Variants in NFXL1 observed in about 807,000 individuals in gnomAD.
The protein encoded by NFXL1 is nuclear transcription factor, X-box binding like 1.
In NFXL1, 66 loss-of-function variants were observed where a neutral mutation model predicts 123.3. The observed-to-expected ratio is 0.54, with a 90% CI of 0.44 to 0.66. The LOEUF (loss-of-function observed/expected upper bound fraction) is 0.66, where lower values mean the gene tolerates loss of function less well. Among genes scored for constraint, NFXL1 ranks in the 30% least tolerant of loss-of-function variants. The pLI, the probability that NFXL1 is intolerant of heterozygous loss-of-function variation, is 0.00. For missense variants in NFXL1, 944 were observed against 1,125.6 expected (o/e 0.84, Z 2.31); for synonymous variants, 346 against 360.8 (o/e 0.96, Z 0.46).
intron 20 of NFXL1, among the ~76,000 whole-genome samples, chr4:47,852,507 T>C (rs1038409654): frequency 6.6e-6 from 1 of 152,128 alleles, no homozygotes; most frequent in Non-Finnish European, 1.5e-5. Flanking sequence ...ATAGTGCAGC[T>C]CTAGAGAGTT....
At chr4:47,910,691 A>T in intron 3 of NFXL1, 133 bp downstream of exon 3, 1 of 464,870 alleles carries the variant, frequency 2.2e-6, no homozygotes, top group South Asian at 7.1e-5. Context: ...AGTGTACAAA[A>T]ATTCAACTCT....
intron 11 of NFXL1, among the ~76,000 whole-genome samples, chr4:47,891,663 A>G (rs886244786): frequency 2.6e-5 from 4 of 152,228 alleles, no homozygotes; most frequent in African/African-American, 4.8e-5. Flanking sequence ...GGAAATACAG[A>G]CTACAATTGT....
intron 18 of NFXL1, among the ~76,000 whole-genome samples, chr4:47,863,176 T>A (rs1012662710): frequency 1.3e-5 from 2 of 152,066 alleles, no homozygotes; most frequent in African/African-American, 4.8e-5. Flanking sequence ...ACACAAAATA[T>A]CATCTGGGCC....
chr4:47,907,518 T>C (rs1488569902), intron 3 of NFXL1, among the ~76,000 whole-genome samples: 1 of 152,212 alleles, frequency 6.6e-6, no homozygotes, highest in African/African-American at 2.4e-5. Flanking sequence ...CAAATAAAAA[T>C]GAACTCCTTT....
intron 5 of NFXL1, among the ~76,000 whole-genome samples, chr4:47,900,320 G>A (rs1431157975): frequency 5.9e-5 from 9 of 151,786 alleles, no homozygotes; most frequent in South Asian, 2.1e-4. Flanking sequence ...AGAAATTCTC[G>A]TGCCTCAGTG....
intron 22 of NFXL1, among the ~76,000 whole-genome samples, chr4:47,850,206 C>T (rs1268124694): frequency 2.0e-5 from 3 of 152,060 alleles, no homozygotes; most frequent in Non-Finnish European, 4.4e-5. Context: ...TACTATTTAG[C>T]TCTGATAACT....
intron 18 of NFXL1, among the ~76,000 whole-genome samples, chr4:47,863,977 G>A (rs762819907): frequency 7.9e-5 from 12 of 151,596 alleles, no homozygotes; most frequent in Admixed American, 2.6e-4. Context: ...AAAATATACC[G>A]TAAGTTCAGT....
intron 18 of NFXL1, among the ~76,000 whole-genome samples, chr4:47,866,879 C>G (rs1234986751): frequency 2.0e-5 from 3 of 152,210 alleles, no homozygotes; most frequent in African/African-American, 4.8e-5. Flanking sequence ...CCAGTAAAAA[C>G]TCTAGGTGCT....
intron 14 of NFXL1, 128 bp downstream of exon 14, chr4:47,885,370 T>C (rs934643026): frequency 1.2e-5 from 9 of 745,502 alleles, no homozygotes; most frequent in African/African-American, 1.0e-4. Flanking sequence ...CTTGATTACC[T>C]TGTACCCTGC....
intron 5 of NFXL1, among the ~76,000 whole-genome samples, chr4:47,900,131 A>G (rs1175683854): frequency 6.6e-6 from 1 of 152,216 alleles, no homozygotes; most frequent in Non-Finnish European, 1.5e-5. Context: ...CATGACTACA[A>G]TTTAGAATTA....
rs1291675904 is a variant in NFXL1, at chr4:47,880,527, A to G, written c.1917-1410T>C. Reference sequence around the variant, plus strand: ...GGTAAAGGACTTGTCTTCAAAATATACTCAATAAGAAAGCAAATAACGCAA... The same window carrying G: ...GGTAAAGGACTTGTCTTCAAAATATGCTCAATAAGAAAGCAAATAACGCAA... On this transcript the variant is annotated intron_variant, in intron 15 of 22. Coordinates refer to ENST00000507489, the MANE Select transcript of NFXL1 (RefSeq NM_001278624.2). Among the ~76,000 whole-genome samples, 2 of 151,476 alleles carry G rather than the reference A, an allele frequency of 1.3e-5. 1 individual carries two copies. The highest frequency in any genetic ancestry group is 4.8e-5 in the African/African-American group (2 of 41,282).
chr4:47,879,181 T>G lies in NFXL1; in HGVS notation c.1917-64A>C, dbSNP rs576499835. ...ATTATTCAAAAATAATACCTAAAGA[T>G]GCTAACTCTACTAGCATTAAAAAAA... On this transcript the variant is annotated intron_variant, in intron 15 of 22. Transcript: ENST00000507489. The G allele has an allele frequency of 1.0e-4, 67 of 664,024 alleles. No individual in the cohort carries two copies. The South Asian group carries it at 1.4e-3, about 14-fold the overall frequency. 41.1% of individuals were successfully genotyped at this position (664,024 alleles called of 1,614,324 possible).
chr4:47,863,034 C>T, intron 18 of NFXL1, 119 bp from the exon 19 acceptor site: 1 of 643,628 alleles, frequency 1.6e-6, no homozygotes, highest in African/African-American at 1.9e-5. Context: ...TCAAGAAATA[C>T]TTTAATTATT....
rs1374493393 is a variant in NFXL1, at chr4:47,879,079, T to TACA, written c.1938+16_1938+17insTGT. Reference sequence around the variant, plus strand: ...ATAGATTATAAGCTTTACTTAAAAATTGTGCCTGTAACTTACCTCATGTTT... The same window carrying TACA: ...ATAGATTATAAGCTTTACTTAAAAATACATGTGCCTGTAACTTACCTCATGTTT... On this transcript the variant is annotated intron_variant, in intron 16 of 22. Coordinates refer to ENST00000507489, the MANE Select transcript of NFXL1 (RefSeq NM_001278624.2). The TACA allele has an allele frequency of 4.3e-6, 6 of 1,381,018 alleles. No homozygotes were observed. In the Admixed American group the frequency reaches 1.5e-4, roughly 35 times the overall value. The allele number at this position is 1,381,018 out of a possible 1,614,324, so 85.5% of individuals were successfully genotyped here. A position where few individuals can be genotyped will look rare whatever the true frequency, so the allele number is the denominator to read the frequency against.
Position 47,887,884 on chromosome 4 carries a change from C to G in NFXL1, c.1544-1885G>C, listed in dbSNP as rs547989065. Among the ~76,000 whole-genome samples the G allele has an allele frequency of 3.3e-5, 5 of 152,140 alleles. No individual in the cohort carries two copies. The East Asian group carries it at 9.6e-4, about 29-fold the overall frequency. ...AAAATGAAGAAATAGCATAGGGAGA[C>G]TATAACTATACTGACCAATACCAGT... On this transcript the variant is annotated intron_variant, in intron 12 of 22. Transcript: ENST00000507489.
intron 5 of NFXL1, among the ~76,000 whole-genome samples, chr4:47,901,115 G>A (rs923934700): frequency 1.3e-5 from 2 of 152,076 alleles, no homozygotes; most frequent in African/African-American, 4.8e-5. Context: ...TTAAATAATG[G>A]GATGCCAACA....
At chr4:47,892,483 GAGAA>G (rs1427538374) in intron 11 of NFXL1, among the ~76,000 whole-genome samples, 9 of 152,138 alleles carry the variant, frequency 5.9e-5, no homozygotes, top group African/African-American at 2.2e-4. Flanking sequence ...TCCAAAAGCT[GAGAA>G]AGAACCACTG....
At chr4:47,897,769 C>T (rs1324601510) in intron 9 of NFXL1, among the ~76,000 whole-genome samples, 198 bp downstream of exon 9, 1 of 152,084 alleles carries the variant, frequency 6.6e-6, no homozygotes, top group African/African-American at 2.4e-5. Context: ...CTCCCCAACC[C>T]CTGGATGCCA....
chr4:47,885,367 A>T, intron 14 of NFXL1, 131 bp downstream of exon 14: 1 of 711,352 alleles, frequency 1.4e-6, no homozygotes, highest in South Asian at 2.3e-5. Context: ...AGTCTTGATT[A>T]CCTTGTACCC....
Sources: allele counts gnomAD v4.1 joint callset (sites outside exome capture counted in the v4.1 genomes callset), GRCh38; gene constraint gnomAD v4.1.1; transcripts MANE v1.5; gene names NCBI Gene and HGNC (gene_info 2026-07-23, HGNC 2026-07-21).